YIPF6: variants seen among roughly 807,000 people sequenced by gnomAD.
YIPF6 encodes Yip1 domain family member 6, also known as protein YIPF6.
YIPF6 carries 3 observed loss-of-function variants against 16.8 expected under a neutral mutation model. The observed-to-expected ratio is 0.18, with a 90% CI of 0.08 to 0.46. The LOEUF (loss-of-function observed/expected upper bound fraction) is 0.46, where lower values mean the gene tolerates loss of function less well. Among genes scored for constraint, YIPF6 ranks in the 20% least tolerant of loss-of-function variants. The probability of loss-of-function intolerance (pLI) is 0.98; values close to 1 mark genes in which losing one functional copy is unlikely to be tolerated. For synonymous variants in YIPF6, 67 were observed against 61.9 expected, an observed-to-expected ratio of 1.08 and a Z score of -0.38; for missense variants, 145 against 184.9, an observed-to-expected ratio of 0.78 and a Z score of 1.25.
intron 3 of YIPF6, among the ~76,000 whole-genome samples, chrX:68,516,642 TAAAC>T (rs760749493): frequency 4.0e-4 from 45 of 112,100 alleles, no homozygotes; most frequent in African/African-American, 1.3e-3. Flanking sequence ...AATTAAAAAA[TAAAC>T]AATATTAAGT....
At chrX:68,501,646 T>C (rs886843391) in intron 1 of YIPF6, among the ~76,000 whole-genome samples, 1 of 111,919 alleles carries the variant, frequency 8.9e-6, no homozygotes, top group African/African-American at 3.2e-5. Flanking sequence ...CATATATATA[T>C]AGAAGCGCAG....
At chrX:68,515,438 A>G (rs1273292557) in intron 3 of YIPF6, 1 of 111,960 alleles carries the variant, frequency 8.9e-6, no homozygotes, top group Non-Finnish European at 1.9e-5. Flanking sequence ...TGCCCAGCCA[A>G]TGTTTTATTT....
Position 68,531,894 on chromosome X carries a change from C to T in YIPF6, c.606C>T (p.Phe202=), listed in dbSNP as rs1205647717. 3 of 1,184,340 alleles carry T rather than the reference C, an allele frequency of 2.5e-6. No individual in the cohort carries two copies. Among genetic ancestry groups the T allele is most frequent in the Non-Finnish European group, 3.4e-6 (3 of 878,941 alleles). ...FAWSIVASTA[F]LADSQPPNRR... ...TGTTTTGTTTAGCCTCCACAGCTTTCCTTGCTGATAGCCAGCCTCCAAACC... is the reference window on the plus strand; with the variant it reads ...TGTTTTGTTTAGCCTCCACAGCTTTTCTTGCTGATAGCCAGCCTCCAAACC... The change falls in exon 7 of 7, where the codon TTC becomes TTT. Residue 202 remains phenylalanine, a synonymous_variant. Transcript: ENST00000462683.
intron 1 of YIPF6, among the ~76,000 whole-genome samples, chrX:68,508,186 G>A (rs1346582449): frequency 9.4e-6 from 1 of 105,823 alleles, no homozygotes; most frequent in African/African-American, 3.5e-5. Flanking sequence ...TGCAAGCCTC[G>A]ACCTCCTGGG....
At chrX:68,505,148 G>A (rs192572471) in intron 1 of YIPF6, among the ~76,000 whole-genome samples, 110 of 111,916 alleles carry the variant, frequency 9.8e-4, no homozygotes, top group Non-Finnish European at 1.8e-3. Context: ...GGTGCCTCAC[G>A]CCTGTAATCC....
chrX:68,532,607 A>G lies in YIPF6; in HGVS notation c.*608A>G, dbSNP rs1185900707. On this transcript the variant is annotated 3_prime_UTR_variant, in exon 7 of 7. Transcript: ENST00000462683. ...AAATTCTACACTTGTTGCAAAAAAAAAAAAAAAAAAAGCAAAGGGCCTCTA... is the reference window on the plus strand; with the variant it reads ...AAATTCTACACTTGTTGCAAAAAAAGAAAAAAAAAAAGCAAAGGGCCTCTA... 1 of 109,850 alleles carries G rather than the reference A, an allele frequency of 9.1e-6. No homozygotes were observed. The highest frequency in any genetic ancestry group is 3.3e-5 in the African/African-American group (1 of 30,249). 9.1% of individuals were successfully genotyped at this position (109,850 alleles called of 1,213,427 possible). A position where few individuals can be genotyped will look rare whatever the true frequency, so the allele number is the denominator to read the frequency against.
intron 4 of YIPF6, 33 bp downstream of exon 4, chrX:68,518,845 G>C: frequency 1.7e-6 from 2 of 1,145,903 alleles, no homozygotes; most frequent in Non-Finnish European, 2.3e-6. Context: ...TTTGTCATTT[G>C]AGCTAGACTA....
intron 1 of YIPF6, among the ~76,000 whole-genome samples, chrX:68,503,799 T>G (rs894636208): frequency 1.8e-4 from 20 of 112,311 alleles, no homozygotes; most frequent in African/African-American, 6.1e-4. Context: ...TTTATTTCTT[T>G]TTTGGCACAA....
chrX:68,522,702 G>C (rs757155280), intron 5 of YIPF6, 58 bp from the exon 6 acceptor site: 7 of 1,075,521 alleles, frequency 6.5e-6, no homozygotes, highest in Non-Finnish European at 7.5e-6. Flanking sequence ...GTAATAAGCT[G>C]TGTCATAACA....
At chrX:68,503,673 A>G (rs963965531) in intron 1 of YIPF6, among the ~76,000 whole-genome samples, 1 of 112,065 alleles carries the variant, frequency 8.9e-6, no homozygotes, top group African/African-American at 3.2e-5. Context: ...GGTTAAAAGC[A>G]CAGTCCTCTA....
chrX:68,506,497 C>T (rs369227328), intron 1 of YIPF6, among the ~76,000 whole-genome samples: 5 of 109,346 alleles, frequency 4.6e-5, no homozygotes, highest in Non-Finnish European at 9.5e-5. Context: ...CCCAGAGGTT[C>T]GAGATCAGCC....
intron 1 of YIPF6, among the ~76,000 whole-genome samples, chrX:68,500,457 AGGC>A (rs1392620289): frequency 9.0e-6 from 1 of 110,765 alleles, no homozygotes; most frequent in Admixed American, 9.6e-5. Context: ...CTGGGATTAC[AGGC>A]GCCTGCCACT....
At chrX:68,524,459 G>A (rs1038738614) in intron 6 of YIPF6, among the ~76,000 whole-genome samples, 6 of 109,351 alleles carry the variant, frequency 5.5e-5, no homozygotes, top group Non-Finnish European at 9.5e-5. Context: ...ATGAGCCACC[G>A]CACCTGGCTG....
intron 6 of YIPF6, among the ~76,000 whole-genome samples, chrX:68,526,235 C>T (rs1224629932): frequency 9.0e-6 from 1 of 111,104 alleles, no homozygotes; most frequent in Non-Finnish European, 1.9e-5. Flanking sequence ...GTATTTTATT[C>T]TCTTTGTAGC....
At chrX:68,531,151 GTCTT>G (rs752934677) in intron 6 of YIPF6, among the ~76,000 whole-genome samples, 41 of 110,904 alleles carry the variant, frequency 3.7e-4, no homozygotes, top group African/African-American at 1.1e-3. Flanking sequence ...TTGAGACTGG[GTCTT>G]TCTCTGTCAC....
intron 3 of YIPF6, chrX:68,514,360 G>C (rs886103352): frequency 1.6e-4 from 18 of 110,226 alleles, no homozygotes; most frequent in Non-Finnish European, 2.5e-4. Flanking sequence ...GGAAGCTGCT[G>C]ACACATAAAG....
rs769670196 is a variant in YIPF6, at chrX:68,500,692, C to A, written c.57+1569C>A. Among the ~76,000 whole-genome samples, 3 of 111,679 alleles carry A rather than the reference C, an allele frequency of 2.7e-5. No homozygotes were observed. In the Admixed American group the frequency reaches 2.9e-4, roughly 11 times the overall value. ...TCAGTGAACTTAATTCTAGTCCTAGCTCTGCTGCTTACTAGCTCCATTTGT... is the reference window on the plus strand; with the variant it reads ...TCAGTGAACTTAATTCTAGTCCTAGATCTGCTGCTTACTAGCTCCATTTGT... On this transcript the variant is annotated intron_variant, in intron 1 of 6. Transcript: ENST00000462683.
In YIPF6 at chrX:68,534,194, C is replaced by T. The variant is rs960592188; in HGVS notation, c.*2195C>T. On this transcript the variant is annotated 3_prime_UTR_variant, in exon 7 of 7. Coordinates refer to ENST00000462683, the MANE Select transcript of YIPF6 (RefSeq NM_173834.4). ...AGCATTTACCCCAAGATAACTTTGC[C>T]TACGAAATATTTCGCTTTTATTATT... 3.6e-5 allele frequency: 4 copies of T among 111,931 alleles called. No individual in the cohort carries two copies. Among genetic ancestry groups the T allele is most frequent in the Non-Finnish European group, 7.5e-5 (4 of 53,158 alleles). 9.2% of individuals were successfully genotyped at this position (111,931 alleles called of 1,213,427 possible).
Position 68,534,552 on chromosome X carries a change from G to A in YIPF6, c.*2553G>A, listed in dbSNP as rs952922924. ...TCAAAGAGAATGTTTATGTAAATTAGCGCTGGCAATTTTTTTTTTTCTAAA... is the reference window on the plus strand; with the variant it reads ...TCAAAGAGAATGTTTATGTAAATTAACGCTGGCAATTTTTTTTTTTCTAAA... On this transcript the variant is annotated 3_prime_UTR_variant, in exon 7 of 7. Transcript: ENST00000462683. 3 of 111,091 alleles carry A rather than the reference G, an allele frequency of 2.7e-5. No individual in the cohort carries two copies. The highest frequency in any genetic ancestry group is 9.8e-5 in the African/African-American group (3 of 30,577). 9.2% of individuals were successfully genotyped at this position (111,091 alleles called of 1,213,427 possible).
Sources: allele counts gnomAD v4.1 joint callset (sites outside exome capture counted in the v4.1 genomes callset), GRCh38; gene constraint gnomAD v4.1.1; transcripts MANE v1.5; gene names NCBI Gene and HGNC (gene_info 2026-07-23, HGNC 2026-07-21).